The following CDH12 variants were observed in gnomAD, a reference collection of about 807,000 sequenced individuals.
CDH12 encodes the protein cadherin 12.
Under a neutral mutation model 74.1 loss-of-function variants are expected in CDH12, and 41 were observed. That is an observed-to-expected ratio of 0.55 (90% CI 0.43 to 0.72). The LOEUF is 0.72. Ranked by LOEUF, CDH12 falls within the 30% of genes least tolerant of loss-of-function variation. The pLI is 0.00. For synonymous variants in CDH12, 399 were observed against 355.0 expected (o/e 1.12, Z -1.39); for missense variants, 945 against 977.2 (o/e 0.97, Z 0.44).
chr5:21,970,149 GATT>G (rs888500610), intron 6 of CDH12, among the ~76,000 whole-genome samples: 3 of 151,994 alleles, frequency 2.0e-5, no homozygotes, highest in African/African-American at 7.2e-5. Context: ...TGAAGGATTA[GATT>G]ATAATAATAC....
chr5:22,493,279 A>G (rs534688908), intron 2 of CDH12, among the ~76,000 whole-genome samples: 1 of 152,336 alleles, frequency 6.6e-6, no homozygotes, highest in South Asian at 2.1e-4. Context: ...CCTTAATCAT[A>G]TCTTATAAAT....
At chr5:22,417,334 C>T (rs531424489) in intron 2 of CDH12, among the ~76,000 whole-genome samples, 44 of 152,284 alleles carry the variant, frequency 2.9e-4, no homozygotes, top group Non-Finnish European at 4.7e-4. Context: ...TTATGAGGGT[C>T]GTGCCTTTCT....
At chr5:22,105,030 T>C (rs549740906) in intron 4 of CDH12, among the ~76,000 whole-genome samples, 1 of 152,238 alleles carries the variant, frequency 6.6e-6, no homozygotes, top group South Asian at 2.1e-4. Flanking sequence ...CACGATATGC[T>C]CCCTGTGACT....
chr5:22,031,439 ACTT>A (rs1738818512), intron 5 of CDH12, among the ~76,000 whole-genome samples: 2 of 152,156 alleles, frequency 1.3e-5, no homozygotes, highest in Admixed American at 6.6e-5. Flanking sequence ...AGACTGTTTC[ACTT>A]TATTATCATT....
intron 1 of CDH12, among the ~76,000 whole-genome samples, chr5:22,812,646 G>A (rs1219442030): frequency 6.6e-6 from 1 of 152,106 alleles, no homozygotes; most frequent in East Asian, 1.9e-4. Flanking sequence ...TGGGGGTGTG[G>A]GAAAAGTGCA....
intron 1 of CDH12, among the ~76,000 whole-genome samples, chr5:22,617,973 T>C (rs1459999009): frequency 3.3e-5 from 5 of 152,238 alleles, no homozygotes; most frequent in Middle Eastern, 3.4e-3. Flanking sequence ...TTAAACTGAA[T>C]ACATAAGATA....
Position 21,835,547 on chromosome 5 carries a change from T to C in CDH12, c.814+6614A>G, listed in dbSNP as rs560278428. Among the ~76,000 whole-genome samples the C allele has an allele frequency of 1.8e-4, 27 of 151,944 alleles. No homozygotes were observed. In the South Asian group the frequency reaches 5.6e-3, roughly 32 times the overall value. ...TCAAAATTCAATTAGCTTTTCACTA[T>C]TTATGCAAAATGACTTATTATATGG... On this transcript the variant is annotated intron_variant, in intron 8 of 14. Coordinates refer to ENST00000382254, the MANE Select transcript of CDH12 (RefSeq NM_004061.5).
At chr5:22,186,071 C>G (rs902109908) in intron 4 of CDH12, among the ~76,000 whole-genome samples, 1 of 152,158 alleles carries the variant, frequency 6.6e-6, no homozygotes, top group African/African-American at 2.4e-5. Context: ...GGGGAATCTC[C>G]TCTCCTTAAG....
chr5:21,834,282 A>G (rs1320481527), intron 8 of CDH12, among the ~76,000 whole-genome samples: 1 of 151,906 alleles, frequency 6.6e-6, no homozygotes, highest in African/African-American at 2.4e-5. Context: ...AATACACATA[A>G]ACACACACAA....
At position 22,370,981 on chromosome 5, in the gene CDH12, T is replaced by C. The variant is rs572125917; in HGVS notation, c.-333+34276A>G. ...AAACAAACAAATCAATTACTTTTTG[T>C]TTGGAAGCTATAGTAAAGGATCTTG... On this transcript the variant is annotated intron_variant, in intron 3 of 14. Transcript: ENST00000382254. 1.4e-4 allele frequency among the ~76,000 whole-genome samples: 22 copies of C among 152,232 alleles called. No homozygotes were observed. In the East Asian group the frequency reaches 4.3e-3, roughly 29 times the overall value.
intron 1 of CDH12, among the ~76,000 whole-genome samples, chr5:22,646,590 T>A (rs1208471282): frequency 6.6e-6 from 1 of 151,948 alleles, no homozygotes; most frequent in Non-Finnish European, 1.5e-5. Flanking sequence ...ATTGTTTTTC[T>A]CTTTAGATTC....
At chr5:22,310,878 C>T (rs367862074) in intron 3 of CDH12, among the ~76,000 whole-genome samples, 3 of 152,046 alleles carry the variant, frequency 2.0e-5, no homozygotes, top group African/African-American at 7.2e-5. Context: ...ACTCACCATC[C>T]GAAGTCTCAG....
chr5:22,290,216 T>C (rs1236317476), intron 3 of CDH12, among the ~76,000 whole-genome samples: 1 of 152,146 alleles, frequency 6.6e-6, no homozygotes, highest in Non-Finnish European at 1.5e-5. Flanking sequence ...ATCTACACAT[T>C]ACCATAAAGT....
intron 8 of CDH12, among the ~76,000 whole-genome samples, chr5:21,833,334 TATTATATAACATATA>T (rs1749310055): frequency 4.7e-5 from 3 of 64,482 alleles, no homozygotes; most frequent in African/African-American, 1.3e-4. Context: ...ATATATTATA[TATTATATAACATATA>T]ATATATATTA....
At chr5:22,241,550 T>C (rs1580438616) in intron 3 of CDH12, among the ~76,000 whole-genome samples, 1 of 151,996 alleles carries the variant, frequency 6.6e-6, no homozygotes, top group East Asian at 1.9e-4. Flanking sequence ...AAAAATAGTG[T>C]TTTTGAAGTG....
chr5:22,734,786 C>A (rs944748468), intron 1 of CDH12, among the ~76,000 whole-genome samples: 1 of 151,826 alleles, frequency 6.6e-6, no homozygotes, highest in Non-Finnish European at 1.5e-5. Context: ...TTCACAAGAA[C>A]CGTTGTAAAC....
intron 6 of CDH12, among the ~76,000 whole-genome samples, chr5:21,929,014 G>A (rs927352745): frequency 6.6e-6 from 1 of 151,824 alleles, no homozygotes; most frequent in Non-Finnish European, 1.5e-5. Context: ...CACCCTTCCT[G>A]CACAGATTTT....
intron 1 of CDH12, among the ~76,000 whole-genome samples, chr5:22,799,115 TCAAA>T (rs371200414): frequency 3.8e-4 from 58 of 152,004 alleles, no homozygotes; most frequent in African/African-American, 8.0e-4. Flanking sequence ...AGACCCAGTC[TCAAA>T]CAAACAAACA....
At chr5:21,827,023 C>G (rs981440132) in intron 8 of CDH12, among the ~76,000 whole-genome samples, 1 of 151,986 alleles carries the variant, frequency 6.6e-6, no homozygotes, top group African/African-American at 2.4e-5. Flanking sequence ...CTTGAACACA[C>G]AGTTGAGAAG....
Sources: gnomAD v4.1 joint callset for allele counts (sites outside exome capture counted in the v4.1 genomes callset) on GRCh38, gnomAD v4.1.1 for gene constraint, MANE v1.5 for transcripts, NCBI Gene and HGNC (gene_info 2026-07-23, HGNC 2026-07-21) for gene names.